The following CHRNA6 variants were observed in gnomAD, a reference collection of about 807,000 sequenced individuals.
CHRNA6 encodes the protein neuronal acetylcholine receptor subunit alpha-6.
A neutral mutation model predicts 40.9 loss-of-function variants in CHRNA6; 31 were observed. The observed-to-expected ratio is 0.76, with a 90% confidence interval of 0.57 to 1.02. CHRNA6 has a LOEUF of 1.02. CHRNA6 is among the 50% of genes least tolerant of loss of function. The pLI, the probability that CHRNA6 is intolerant of heterozygous loss-of-function variation, is 0.00. For missense variants in CHRNA6, 546 were observed against 596.6 expected, an observed-to-expected ratio of 0.92 and a Z score of 0.88; for synonymous variants, 222 against 221.3, an observed-to-expected ratio of 1.00 and a Z score of -0.03.
chr8:42,762,972 G>T (rs770613372), intron 2 of CHRNA6, among the ~76,000 whole-genome samples: 1 of 152,198 alleles, frequency 6.6e-6, no homozygotes, highest in Non-Finnish European at 1.5e-5. Context: ...TTAAAAACCT[G>T]CAGTTCCAAG....
At chr8:42,765,985 C>T (rs1563627237) in intron 1 of CHRNA6, among the ~76,000 whole-genome samples, 1 of 152,194 alleles carries the variant, frequency 6.6e-6, no homozygotes, top group Non-Finnish European at 1.5e-5. Context: ...TAAATTAGTT[C>T]AACCATTGTG....
At chr8:42,760,808 A>C (rs1390532432) in intron 2 of CHRNA6, among the ~76,000 whole-genome samples, 3 of 152,234 alleles carry the variant, frequency 2.0e-5, no homozygotes, top group Non-Finnish European at 2.9e-5. Flanking sequence ...TCCAGGTGAC[A>C]TCCCAAATGT....
intron 2 of CHRNA6, among the ~76,000 whole-genome samples, chr8:42,764,009 CCT>C (rs1365948641): frequency 1.3e-5 from 2 of 152,152 alleles, no homozygotes; most frequent in East Asian, 3.9e-4. Context: ...CAGGGCTCCC[CCT>C]CTGTGTCCTG....
At chr8:42,760,020 A>G (rs1263914017) in intron 2 of CHRNA6, among the ~76,000 whole-genome samples, 1 of 152,206 alleles carries the variant, frequency 6.6e-6, no homozygotes, top group Non-Finnish European at 1.5e-5. Context: ...AGTAACCACT[A>G]TGTGCTCTAT....
In CHRNA6 at chr8:42,755,845, C is replaced by T. The variant is rs766087995; in HGVS notation, c.1353+1G>A. ...GCTGGGTGGAGGGAACACACATTTACCTCCTTGGTTTCATTGTGGCTCTTC... is the reference window on the plus strand; with the variant it reads ...GCTGGGTGGAGGGAACACACATTTATCTCCTTGGTTTCATTGTGGCTCTTC... On this transcript the variant is annotated splice_donor_variant, in intron 5 of 5. Transcript: ENST00000276410. LOFTEE classifies it high-confidence loss of function. 1.9e-6 allele frequency: 3 copies of T among 1,611,522 alleles called. No homozygotes were observed. Among genetic ancestry groups the T allele is most frequent in the Non-Finnish European group, 2.5e-6 (3 of 1,178,532 alleles).
intron 1 of CHRNA6, among the ~76,000 whole-genome samples, chr8:42,767,817 C>T (rs1816994894): frequency 6.6e-6 from 1 of 152,174 alleles, no homozygotes; most frequent in Non-Finnish European, 1.5e-5. Context: ...CCCCTGCAAA[C>T]CTAACAGCAT....
In CHRNA6 at chr8:42,753,082, G is replaced by C. The variant is rs912141934; in HGVS notation, c.*97C>G. On this transcript the variant is annotated 3_prime_UTR_variant, in exon 6 of 6. Coordinates refer to ENST00000276410, the MANE Select transcript of CHRNA6 (RefSeq NM_004198.3). ...TAGCCATCAGTTTTAGCAGATGGGG[G>C]ACTTGGGTGGGAAGCCTTTGCTTTC... The C allele has an allele frequency of 8.7e-7, 1 of 1,152,300 alleles. No homozygotes were observed. Among genetic ancestry groups the C allele is most frequent in the Non-Finnish European group, 1.2e-6 (1 of 811,852 alleles). 71.4% of individuals were successfully genotyped at this position (1,152,300 alleles called of 1,614,324 possible).
At chr8:42,755,105 A>G (rs1376666706) in intron 5 of CHRNA6, among the ~76,000 whole-genome samples, 1 of 145,160 alleles carries the variant, frequency 6.9e-6, no homozygotes, top group African/African-American at 2.6e-5. Context: ...TGTAGCCTCA[A>G]CCTCCTGGGC....
At position 42,759,073 on chromosome 8, in the gene CHRNA6, C is replaced by G; in HGVS notation, c.260G>C (p.Arg87Pro). The G allele has an allele frequency of 6.2e-7, 1 of 1,612,764 alleles. No homozygotes were observed. The highest frequency in any genetic ancestry group is 2.2e-5 in the East Asian group (1 of 44,874). Residue 87 changes from arginine (R) to proline (P), a missense_variant, in exon 3 of 6, where the codon CGT (arginine) becomes CCT (proline). Coordinates refer to ENST00000276410, the MANE Select transcript of CHRNA6 (RefSeq NM_004198.3). ...ACACATGATATAGGCACATACGTGA[C>G]GCAGCCACAAATTGGTTTCCATGAT... is the stretch of plus-strand genomic sequence containing the variant. ...NQIMETNLWLRHIWNDYKLRW... is the reference protein window; with the variant it reads ...NQIMETNLWLPHIWNDYKLRW...
chr8:42,757,235 C>A (rs7001753), intron 3 of CHRNA6, among the ~76,000 whole-genome samples, 198 bp from the exon 4 acceptor site: 53,210 of 151,356 alleles, frequency 0.35, 13,681 homozygotes, highest in African/African-American at 0.73. Flanking sequence ...GTGTGGTGGC[C>A]AGCGCCTGTA....
At chr8:42,754,183 A>T (rs1360956641) in intron 5 of CHRNA6, among the ~76,000 whole-genome samples, 1 of 149,548 alleles carries the variant, frequency 6.7e-6, no homozygotes, top group Non-Finnish European at 1.5e-5. Context: ...TTCTTCGATT[A>T]AAAAAAAAAT....
In CHRNA6 at chr8:42,756,209, G is replaced by A. The variant is rs922882584; in HGVS notation, c.990C>T (p.Arg330=). The A allele has an allele frequency of 6.2e-7, 1 of 1,614,236 alleles. No individual in the cohort carries two copies. Among genetic ancestry groups the A allele is most frequent in the Non-Finnish European group, 8.5e-7 (1 of 1,180,044 alleles). The change falls in exon 5 of 6, where the codon CGC becomes CGT. Residue 330 remains arginine, a synonymous_variant. Coordinates refer to ENST00000276410, the MANE Select transcript of CHRNA6 (RefSeq NM_004198.3). ...VTVFVLNIHY[R]TPTTHTMPRW... ...TGGGCATTGTGTGCGTGGTTGGGGT[G>A]CGGTAGTGTATGTTCAACACAAACA...
At chr8:42,768,296 G>C in intron 1 of CHRNA6, 56 bp downstream of exon 1, 1 of 1,386,324 alleles carries the variant, frequency 7.2e-7, no homozygotes, top group Non-Finnish European at 1.0e-6. Flanking sequence ...CTAGAAAAGA[G>C]AGTAAACACA....
At chr8:42,753,872 C>G (rs1203036701) in intron 5 of CHRNA6, among the ~76,000 whole-genome samples, 1 of 152,076 alleles carries the variant, frequency 6.6e-6, no homozygotes, top group Non-Finnish European at 1.5e-5. Flanking sequence ...AAGAAACGCT[C>G]CAGAGAAGCA....
In CHRNA6 at chr8:42,756,407, A is replaced by G. The variant is rs1469382566; in HGVS notation, c.792T>C (p.Leu264=). 1.9e-6 allele frequency: 3 copies of G among 1,614,140 alleles called. No individual in the cohort carries two copies. The highest frequency in any genetic ancestry group is 2.5e-6 in the Non-Finnish European group (3 of 1,180,036). Residue 264 remains leucine, a synonymous_variant, in exon 5 of 6, where the codon CTT becomes CTC. Transcript: ENST00000276410. ...ISFLTVLVFY[L]PSDCGEKVTL... is the part of the protein sequence containing the mutation. ...TCACTTTTTCACCACAGTCCGAAGG[A>G]AGGTAAAAGACCAACACGGTTAGAA...
intron 2 of CHRNA6, among the ~76,000 whole-genome samples, chr8:42,760,466 ACACACT>A (rs1481487397): frequency 7.2e-6 from 1 of 139,604 alleles, no homozygotes; most frequent in Non-Finnish European, 1.7e-5. Flanking sequence ...ACTCATACAC[ACACACT>A]GGTGCATACT....
intron 5 of CHRNA6, among the ~76,000 whole-genome samples, chr8:42,754,994 C>A (rs1230802084): frequency 2.0e-5 from 3 of 151,490 alleles, no homozygotes; most frequent in Admixed American, 2.0e-4. Flanking sequence ...TCTGGGGCAG[C>A]TTTTCTCTTT....
Position 42,753,294 on chromosome 8 carries a change from T to G in CHRNA6, c.1370A>C (p.Lys457Thr). 2 of 1,604,544 alleles carry G rather than the reference T, an allele frequency of 1.2e-6. No homozygotes were observed. The highest frequency in any genetic ancestry group is 1.7e-6 in the Non-Finnish European group (2 of 1,178,188). Residue 457 changes from lysine to threonine, a missense_variant, in exon 6 of 6, where the codon AAA (lysine) becomes ACA (threonine). Physicochemically the swap from Lys to Thr is moderately conservative, Grantham distance 78 (BLOSUM62 -1). This residue lies in a region of CHRNA6 where 65 missense variants were observed against 83.8 expected (regional missense o/e 0.78). Coordinates refer to ENST00000276410, the MANE Select transcript of CHRNA6 (RefSeq NM_004198.3). Reference protein sequence around the residue: ...NETKEVEDDWKYVAMVVDRVF... With the variant: ...NETKEVEDDWTYVAMVVDRVF... The stretch of plus-strand genomic sequence containing the variant: ...TCTGTCCACCACCATGGCCACGTAT[T>G]TCCAGTCATCTTCTACCTGAAATGC...
chr8:42,754,945 C>T (rs958321350), intron 5 of CHRNA6, among the ~76,000 whole-genome samples: 1 of 152,150 alleles, frequency 6.6e-6, no homozygotes, highest in Non-Finnish European at 1.5e-5. Flanking sequence ...TCCCAGCACC[C>T]CCAGGCTGCA....
Sources: allele counts gnomAD v4.1 joint callset (sites outside exome capture counted in the v4.1 genomes callset), GRCh38; gene constraint gnomAD v4.1.1; regional missense constraint gnomAD v4.1.1; transcripts MANE v1.5; gene names NCBI Gene and HGNC (gene_info 2026-07-23, HGNC 2026-07-21).